Variants in HDX observed in about 807,000 individuals in gnomAD.
HDX encodes the protein highly divergent homeobox.
HDX carries 19 observed loss-of-function variants against 45.2 expected under a neutral mutation model. The ratio of observed to expected loss-of-function variants is 0.42; its 90% CI spans 0.29 to 0.62. The LOEUF (loss-of-function observed/expected upper bound fraction) is 0.62. Ranked by LOEUF, HDX falls within the 20% of genes least tolerant of loss-of-function variation. HDX has a pLI of 0.20. For synonymous variants in HDX, 188 were observed against 172.8 expected, an observed-to-expected ratio of 1.09 and a Z score of -0.69; for missense variants, 532 against 493.9, an observed-to-expected ratio of 1.08 and a Z score of -0.73.
chrX:84,437,955 C>A (rs1285677271), intron 5 of HDX, among the ~76,000 whole-genome samples: 3 of 111,340 alleles, frequency 2.7e-5, no homozygotes, highest in Non-Finnish European at 5.7e-5. Context: ...GCTCTCCTGA[C>A]TGCTTATTGT....
chrX:84,455,573 C>A (rs1449143269), intron 4 of HDX, among the ~76,000 whole-genome samples: 4 of 111,321 alleles, frequency 3.6e-5, no homozygotes, highest in African/African-American at 1.3e-4. Context: ...CATGCCTACA[C>A]CATCAAGAAC....
At chrX:84,450,874 A>G (rs951472345) in intron 4 of HDX, among the ~76,000 whole-genome samples, 3 of 112,142 alleles carry the variant, frequency 2.7e-5, no homozygotes, top group Admixed American at 1.9e-4. Flanking sequence ...GAGTTAAACT[A>G]GAAATCAGTA....
chrX:84,458,327 T>C lies in HDX; in HGVS notation c.1251+10145A>G, dbSNP rs1321665822. 2.7e-5 allele frequency among the ~76,000 whole-genome samples: 3 copies of C among 111,830 alleles called. No individual in the cohort carries two copies. In the South Asian group the frequency reaches 1.1e-3, roughly 42 times the overall value. ...AAAACCTCTTCTCCAAACCAATTCC[T>C]AAACTGAATCTGTGCTCAAGATGAA... On this transcript the variant is annotated intron_variant, in intron 4 of 10. Transcript: ENST00000373177.
chrX:84,492,750 CA>C lies in HDX; in HGVS notation c.-109-4619del, dbSNP rs904801477. Among the ~76,000 whole-genome samples the C allele has an allele frequency of 1.6e-4, 18 of 109,395 alleles. No homozygotes were observed. The East Asian group carries it at 1.7e-3, about 10-fold the overall frequency. 95.0% of individuals were successfully genotyped at this position (109,395 alleles called of 115,157 possible). On this transcript the variant is annotated intron_variant, in intron 1 of 10. Transcript: ENST00000373177. ...TATGTACATTATGATATTATGATGG[CA>C]AAAAAAAGACTGATCCTGAGATCCC... is the stretch of plus-strand genomic sequence containing the variant.
Position 84,336,847 on chromosome X carries a change from C to T in HDX, c.1694G>A (p.Arg565Lys). 8.4e-7 allele frequency: 1 copy of T among 1,189,244 alleles called. No homozygotes were observed. The highest frequency in any genetic ancestry group is 1.1e-6 in the Non-Finnish European group (1 of 879,131). ...ATGGTGGTCCTCTTCCTTATGAGCC[C>T]TTGCATCATTCGGAACAACTTCATT... ...EPNEVVPNDA[R>K]AHKEEDHHAV... Residue 565 changes from arginine (R) to lysine (K), a missense_variant, in exon 8 of 11, where the codon AGG (arginine) becomes AAG (lysine). This residue lies in a region of HDX where 151 missense variants were observed against 131.8 expected (regional missense o/e 1.15). Coordinates refer to ENST00000373177, the MANE Select transcript of HDX (RefSeq NM_001177479.2).
rs368799426 is a variant in HDX, at chrX:84,336,896, C to A, written c.1661-16G>T. 2.7e-6 allele frequency: 3 copies of A among 1,093,954 alleles called. No individual in the cohort carries two copies. Among genetic ancestry groups the A allele is most frequent in the Non-Finnish European group, 3.7e-6 (3 of 804,132 alleles). 90.2% of individuals were successfully genotyped at this position (1,093,954 alleles called of 1,213,427 possible). ...TTGGGCTCTTCTACAGAAAAAAATG[C>A]CATAATTTCATTTTCATTTCGCAAA... On this transcript the variant is annotated splice_polypyrimidine_tract_variant and intron_variant, in intron 7 of 10. Coordinates refer to ENST00000373177, the MANE Select transcript of HDX (RefSeq NM_001177479.2).
intron 5 of HDX, among the ~76,000 whole-genome samples, chrX:84,422,837 T>C (rs1602427046): frequency 9.3e-6 from 1 of 107,732 alleles, no homozygotes; most frequent in East Asian, 2.9e-4. Context: ...CCTGGCTAAT[T>C]TTTTGTATTT....
intron 5 of HDX, among the ~76,000 whole-genome samples, chrX:84,371,816 T>C (rs1467067869): frequency 9.0e-6 from 1 of 111,516 alleles, no homozygotes; most frequent in Non-Finnish European, 1.9e-5. Context: ...GGGGGCCTAG[T>C]ACCCTGCTGC....
intron 9 of HDX, among the ~76,000 whole-genome samples, chrX:84,332,713 A>T (rs1474974340): frequency 2.7e-5 from 3 of 111,750 alleles, no homozygotes; most frequent in Middle Eastern, 4.2e-3. Flanking sequence ...TGTAGGAGAG[A>T]TTATCGTAAT....
intron 4 of HDX, among the ~76,000 whole-genome samples, chrX:84,450,220 C>T (rs1407787484): frequency 3.6e-5 from 4 of 111,208 alleles, no homozygotes; most frequent in African/African-American, 1.3e-4. Context: ...ATGAATTAAA[C>T]TTTCCACTTA....
chrX:84,468,904 G>C lies in HDX; in HGVS notation c.819C>G (p.Tyr273Ter). 5.0e-6 allele frequency: 6 copies of C among 1,210,843 alleles called. No individual in the cohort carries two copies. The highest frequency in any genetic ancestry group is 6.7e-6 in the Non-Finnish European group (6 of 894,817). The change falls in exon 4 of 11, where the codon TAC (tyrosine) becomes TAG (stop). Residue 273 changes from tyrosine to a stop codon, truncating the protein, a stop_gained. Coordinates refer to ENST00000373177, the MANE Select transcript of HDX (RefSeq NM_001177479.2). LOFTEE classifies it high-confidence loss of function. ...CATTTCCTCCCAGAATTCTCTGGGG[G>C]TAATCGCTAACTGCCAATGAAAACA... ...REVFSLAVSD[Y>*]PQRILGGNAP...
intron 5 of HDX, among the ~76,000 whole-genome samples, chrX:84,411,156 G>T (rs773245753): frequency 9.0e-6 from 1 of 111,520 alleles, no homozygotes; most frequent in South Asian, 3.7e-4. Flanking sequence ...CATCTCAGTT[G>T]CATTCAGCTT....
intron 7 of HDX, among the ~76,000 whole-genome samples, chrX:84,337,959 CCT>C (rs2037001868): frequency 1.8e-5 from 2 of 110,730 alleles, no homozygotes; most frequent in Admixed American, 1.9e-4. Flanking sequence ...TAGCAATGTT[CCT>C]CTCTCTCTCT....
At chrX:84,415,882 T>C (rs957282512) in intron 5 of HDX, among the ~76,000 whole-genome samples, 2 of 112,041 alleles carry the variant, frequency 1.8e-5, no homozygotes, top group African/African-American at 6.5e-5. Context: ...AAAAACAGTG[T>C]GCATTATGAA....
intron 3 of HDX, among the ~76,000 whole-genome samples, chrX:84,474,351 G>T (rs976305966): frequency 1.8e-4 from 20 of 111,935 alleles, no homozygotes; most frequent in African/African-American, 6.5e-4. Context: ...TAGAATTGGT[G>T]GTACAATTCC....
At chrX:84,471,712 T>C (rs1450984980) in intron 3 of HDX, among the ~76,000 whole-genome samples, 1 of 110,080 alleles carries the variant, frequency 9.1e-6, no homozygotes, top group African/African-American at 3.3e-5. Flanking sequence ...TTCCACAAAC[T>C]GTAGTGTTCC....
intron 5 of HDX, among the ~76,000 whole-genome samples, chrX:84,435,861 T>A (rs1473199311): frequency 1.1e-5 from 1 of 90,531 alleles, no homozygotes; most frequent in African/African-American, 4.1e-5. Context: ...ATTGTGGAAG[T>A]CAGTGTGGCG....
rs199642319 is a variant in HDX, at chrX:84,336,005, AC to A, written c.1740+795del. On this transcript the variant is annotated intron_variant, in intron 8 of 10. Coordinates refer to ENST00000373177, the MANE Select transcript of HDX (RefSeq NM_001177479.2). ...AAGTCACAGCCCTTTTGTAACAACA[AC>A]AAAAAAATCAATTAAGAGGCTATTT... Among the ~76,000 whole-genome samples, 997 of 110,044 alleles carry A rather than the reference AC, an allele frequency of 9.1e-3. 7 individuals carry two copies. Among genetic ancestry groups the A allele is most frequent in the Middle Eastern group, 0.047 (10 of 212 alleles).
intron 4 of HDX, among the ~76,000 whole-genome samples, chrX:84,441,594 A>G (rs758088353): frequency 8.9e-6 from 1 of 111,856 alleles, no homozygotes; most frequent in Non-Finnish European, 1.9e-5. Context: ...AATCATTATT[A>G]TATATACATC....
Sources: allele counts gnomAD v4.1 joint callset (sites outside exome capture counted in the v4.1 genomes callset), GRCh38; gene constraint gnomAD v4.1.1; regional missense constraint gnomAD v4.1.1; transcripts MANE v1.5; gene names NCBI Gene and HGNC (gene_info 2026-07-23, HGNC 2026-07-21).